The following PTPRA variants were observed in gnomAD, a reference collection of about 807,000 sequenced individuals.
PTPRA encodes the protein protein tyrosine phosphatase receptor type A.
PTPRA carries 25 observed loss-of-function variants against 104.8 expected under a neutral mutation model. The ratio of observed to expected loss-of-function variants is 0.24; its 90% CI spans 0.17 to 0.33. The LOEUF is 0.33. Ranked by LOEUF, PTPRA falls within the 10% of genes least tolerant of loss-of-function variation. The pLI, the probability that PTPRA is intolerant of heterozygous loss-of-function variation, is 1.00. For synonymous variants in PTPRA, 323 were observed against 368.9 expected (o/e 0.88, Z 1.43); for missense variants, 765 against 1,015.3 (o/e 0.75, Z 3.35).
the PTPRA span, chr20:2,865,519 C>T: frequency 3.1e-6 from 5 of 1,604,844 alleles, no homozygotes; most frequent in Non-Finnish European, 4.3e-6. This position sits in a 1 kb window ranked among gnomAD's most constrained non-coding sequence, Gnocchi z 5.2. Context: ...CTCCCTCCAG[C>T]CCACTTCCAG....
At chr20:2,902,192 A>AT (rs1274606135) in intron 1 of PTPRA, among the ~76,000 whole-genome samples, 2 of 152,018 alleles carry the variant, frequency 1.3e-5, no homozygotes, top group Admixed American at 6.6e-5. Flanking sequence ...GCCAATTGTG[A>AT]TTTTTTTAAA....
chr20:2,881,159 T>C (rs1424514587), intron 1 of PTPRA, among the ~76,000 whole-genome samples: 2 of 150,510 alleles, frequency 1.3e-5, no homozygotes, highest in Non-Finnish European at 2.9e-5. Context: ...ATACAAGAAT[T>C]CGCCGGGCGT....
At chr20:2,982,835 T>G (rs1367572723) in intron 6 of PTPRA, among the ~76,000 whole-genome samples, 1 of 152,058 alleles carries the variant, frequency 6.6e-6, no homozygotes, top group East Asian at 1.9e-4. Flanking sequence ...TAGCTGAGAT[T>G]ACAGGCATGT....
intron 9 of PTPRA, 113 bp from the exon 10 acceptor site, chr20:3,004,943 T>C (rs2063797448): frequency 1.1e-6 from 1 of 948,366 alleles, no homozygotes; most frequent in East Asian, 2.4e-5. Context: ...GGCCCATGTT[T>C]TTCCCCCCAG....
chr20:2,897,410 C>T (rs1393493291), intron 1 of PTPRA, among the ~76,000 whole-genome samples: 8 of 118,396 alleles, frequency 6.8e-5, no homozygotes, highest in African/African-American at 2.4e-4. Context: ...TTTTTTGAGA[C>T]GGAGTCTCGC....
At chr20:2,922,850 G>A (rs1259565492) in intron 1 of PTPRA, among the ~76,000 whole-genome samples, 1 of 149,020 alleles carries the variant, frequency 6.7e-6, no homozygotes, top group Non-Finnish European at 1.5e-5. Context: ...GGCTAGGCTG[G>A]TCTCAAACTC....
chr20:2,954,333 C>T (rs2061461243), intron 3 of PTPRA, among the ~76,000 whole-genome samples: 1 of 152,180 alleles, frequency 6.6e-6, no homozygotes, highest in East Asian at 1.9e-4. Flanking sequence ...CCCACCTTGA[C>T]CTCCCAAAGG....
chr20:3,021,446 C>A lies in PTPRA; in HGVS notation c.1161+18C>A. 6.2e-7 allele frequency: 1 copy of A among 1,613,378 alleles called. No homozygotes were observed. The highest frequency in any genetic ancestry group is 2.2e-5 in the East Asian group (1 of 44,864). On this transcript the variant is annotated intron_variant, in intron 14 of 23. Coordinates refer to ENST00000399903, the MANE Select transcript of PTPRA (RefSeq NM_001385305.1). ...TCCAGCAGGTAGTGTCTCCTCTGTC[C>A]TTTCTCAGTTCTTATGTTGGATCTG...
chr20:2,935,077 G>GA (rs1477461638), intron 2 of PTPRA, among the ~76,000 whole-genome samples: 8 of 152,066 alleles, frequency 5.3e-5, no homozygotes, highest in African/African-American at 1.7e-4. Flanking sequence ...TAGTCACCAT[G>GA]ATGTACAATA....
At chr20:2,962,969 C>A (rs1389864121) in intron 3 of PTPRA, among the ~76,000 whole-genome samples, 1 of 152,128 alleles carries the variant, frequency 6.6e-6, no homozygotes, top group Non-Finnish European at 1.5e-5. Context: ...GACTGTGAGT[C>A]CTGTGAAGAT....
At chr20:2,995,651 G>A (rs2063368691) in intron 9 of PTPRA, among the ~76,000 whole-genome samples, 1 of 152,090 alleles carries the variant, frequency 6.6e-6, no homozygotes, top group South Asian at 2.1e-4. Flanking sequence ...GAGCAACCCA[G>A]GAAAGATGTG....
At chr20:2,938,944 A>G (rs1400509880) in intron 2 of PTPRA, among the ~76,000 whole-genome samples, 2 of 152,104 alleles carry the variant, frequency 1.3e-5, no homozygotes, top group African/African-American at 4.8e-5. Context: ...TGGTATAATG[A>G]GTAATGTTGG....
rs1600186948 is a variant in PTPRA at position 2,967,548 on chromosome 20, T to C, written c.415+2346T>C. ...TTTTCTGGATTTAATACTTACCTTA[T>C]TTTTTGTTTATTTAGTTTTCTATTT... On this transcript the variant is annotated intron_variant, in intron 5 of 23. Transcript: ENST00000399903. Among the ~76,000 whole-genome samples the C allele has an allele frequency of 2.0e-5, 3 of 152,202 alleles. No homozygotes were observed. The South Asian group carries it at 6.2e-4, about 32-fold the overall frequency.
chr20:2,882,800 A>G (rs1264521128), intron 1 of PTPRA, among the ~76,000 whole-genome samples: 5 of 152,152 alleles, frequency 3.3e-5, no homozygotes, highest in Non-Finnish European at 7.4e-5. Flanking sequence ...AAATTCATTC[A>G]TTACTTCTCT....
At chr20:2,895,471 A>G (rs1431727104) in intron 1 of PTPRA, among the ~76,000 whole-genome samples, 1 of 152,058 alleles carries the variant, frequency 6.6e-6, no homozygotes, top group Non-Finnish European at 1.5e-5. Context: ...GATTTTCCTC[A>G]TTTTAAGATT....
intron 16 of PTPRA, among the ~76,000 whole-genome samples, chr20:3,023,367 C>A (rs575831681): frequency 6.6e-6 from 1 of 152,212 alleles, no homozygotes; most frequent in Admixed American, 6.5e-5. Flanking sequence ...AAGAGGAAGG[C>A]TTCTTTGGAG....
Position 3,005,072 on chromosome 20 carries a change from C to T in PTPRA, c.755C>T (p.Pro252Leu). 6.2e-7 allele frequency: 1 copy of T among 1,608,554 alleles called. No homozygotes were observed. The highest frequency in any genetic ancestry group is 1.1e-5 in the South Asian group (1 of 90,868). Residue 252 changes from proline (P) to leucine (L), a missense_variant, in exon 10 of 24, where the codon CCT becomes CTT. Pro to Leu is a moderately conservative substitution (Grantham distance 98). Coordinates refer to ENST00000399903, the MANE Select transcript of PTPRA (RefSeq NM_001385305.1). Reference protein sequence around the residue: ...REEFNALPACPIQATCEAASK... With the variant: ...REEFNALPACLIQATCEAASK... The stretch of plus-strand genomic sequence containing the variant: ...ACCTTTCAGGCTCTCCCTGCATGTC[C>T]TATCCAGGCCACCTGTGAGGCTGCT...
chr20:3,019,302 T>C (rs2064701709), intron 13 of PTPRA, among the ~76,000 whole-genome samples: 1 of 149,408 alleles, frequency 6.7e-6, no homozygotes, highest in Non-Finnish European at 1.5e-5. Flanking sequence ...GCAGAGACGC[T>C]CCTCACTTCC....
chr20:2,975,691 T>C (rs2062402460), intron 6 of PTPRA, among the ~76,000 whole-genome samples: 1 of 152,174 alleles, frequency 6.6e-6, no homozygotes. Context: ...ATGTAAAGTC[T>C]CTATGGCCTG....
Sources: gnomAD v4.1 joint callset for allele counts (sites outside exome capture counted in the v4.1 genomes callset) on GRCh38, gnomAD v4.1.1 for gene constraint, Gnocchi (gnomAD v3.1) non-coding constraint, MANE v1.5 for transcripts, NCBI Gene and HGNC (gene_info 2026-07-23, HGNC 2026-07-21) for gene names.